SCARA3: variants seen among roughly 807,000 people sequenced by gnomAD.
SCARA3 encodes the protein scavenger receptor class A member 3.
SCARA3 carries 39 observed loss-of-function variants against 47.0 expected under a neutral mutation model. The ratio of observed to expected loss-of-function variants is 0.83; its 90% confidence interval spans 0.64 to 1.08. The LOEUF (loss-of-function observed/expected upper bound fraction) is 1.08. SCARA3 is among the 50% of genes least tolerant of loss of function. SCARA3 has a pLI of 0.00. For synonymous variants in SCARA3, 356 were observed against 334.1 expected (o/e 1.07, Z -0.71); for missense variants, 724 against 792.3 (o/e 0.91, Z 1.04).
At chr8:27,716,640 T>C in the SCARA3 span, among the ~76,000 whole-genome samples, 5 of 152,204 alleles carry the variant, frequency 3.3e-5, no homozygotes, top group Admixed American at 6.5e-5. Flanking sequence ...GTAGACAGAA[T>C]GGTAAAGTTA....
the SCARA3 span, among the ~76,000 whole-genome samples, chr8:27,725,491 CT>C: frequency 6.8e-6 from 1 of 147,430 alleles, no homozygotes; most frequent in African/African-American, 2.5e-5. Flanking sequence ...AGGAATAAAT[CT>C]AAAGTTCTAT....
chr8:27,658,527 C>A lies in SCARA3; in HGVS notation c.357C>A (p.Cys119Ter). 1 of 1,611,646 alleles carries A rather than the reference C, an allele frequency of 6.2e-7. No individual in the cohort carries two copies. Among genetic ancestry groups the A allele is most frequent in the Admixed American group, 1.7e-5 (1 of 59,658 alleles). The change falls in exon 5 of 6, where the codon TGC becomes TGA. Residue 119 changes from cysteine to a stop codon, truncating the protein, a stop_gained. Transcript: ENST00000301904. LOFTEE classifies it high-confidence loss of function. ...DPKALNNCSF[C>*]HEAGQLGPEI... ...AAGCCCTGAACAACTGCTCTTTCTG[C>A]CATGAAGCTGGGCAGCTGGGGCCAG...
chr8:27,714,273 G>A, the SCARA3 span, among the ~76,000 whole-genome samples: 246 of 137,050 alleles, frequency 1.8e-3, no homozygotes, highest in African/African-American at 6.6e-3. Flanking sequence ...TTAGCTCACT[G>A]CAACCTCCGC....
chr8:27,637,805 C>T (rs1021619056), intron 1 of SCARA3, among the ~76,000 whole-genome samples: 2 of 152,044 alleles, frequency 1.3e-5, no homozygotes, highest in Admixed American at 6.5e-5. Context: ...GCGATGCAAT[C>T]CCAGGAGGAA....
chr8:27,700,141 G>T, the SCARA3 span, among the ~76,000 whole-genome samples: 40 of 151,806 alleles, frequency 2.6e-4, no homozygotes, highest in African/African-American at 9.2e-4. Flanking sequence ...AACCATAAGA[G>T]AAAAATTTTG....
the SCARA3 span, among the ~76,000 whole-genome samples, chr8:27,698,207 A>T: frequency 6.6e-6 from 1 of 152,214 alleles, no homozygotes; most frequent in Non-Finnish European, 1.5e-5. Flanking sequence ...AGAAACTTGG[A>T]TCTGCAAGAA....
chr8:27,674,921 G>A (rs113500607), downstream of SCARA3, among the ~76,000 whole-genome samples: 11,558 of 151,942 alleles, frequency 0.076, 502 homozygotes, highest in East Asian at 0.22. Context: ...TAGAGATGGG[G>A]TTTCACCATG....
At chr8:27,718,029 G>A in the SCARA3 span, among the ~76,000 whole-genome samples, 2 of 152,176 alleles carry the variant, frequency 1.3e-5, no homozygotes, top group Admixed American at 6.5e-5. Context: ...ACTCCAGGGT[G>A]TGCTGAGCAG....
chr8:27,670,819 C>T (rs969981632), intron 5 of SCARA3, 81 bp from the exon 6 acceptor site: 29 of 1,210,570 alleles, frequency 2.4e-5, no homozygotes, highest in Middle Eastern at 2.9e-4. Flanking sequence ...GGGCTGTCGC[C>T]GTGCCCGCTC....
intron 5 of SCARA3, among the ~76,000 whole-genome samples, chr8:27,663,633 T>C (rs1055396682): frequency 6.6e-6 from 1 of 152,184 alleles, no homozygotes; most frequent in African/African-American, 2.4e-5. Flanking sequence ...CAAGGCCCAG[T>C]AGAAGGTCAA....
At position 27,668,421 on chromosome 8, in the gene SCARA3, T is replaced by C. The variant is rs191832382; in HGVS notation, c.1370-2479T>C. Among the ~76,000 whole-genome samples the C allele has an allele frequency of 9.8e-4, 148 of 150,786 alleles. 1 individual carries two copies. Among genetic ancestry groups the C allele is most frequent in the African/African-American group, 3.2e-3 (133 of 41,004 alleles). On this transcript the variant is annotated intron_variant, in intron 5 of 5. Coordinates refer to ENST00000301904, the MANE Select transcript of SCARA3 (RefSeq NM_016240.3). ...CGGGCGCGGTGGCGGGCGCCTGTAG[T>C]CCCAGCTACTCGGGAGGCTGAGGCA... is the stretch of plus-strand genomic sequence containing the variant.
intron 5 of SCARA3, among the ~76,000 whole-genome samples, chr8:27,667,586 G>T (rs1457399648): frequency 6.6e-6 from 1 of 152,182 alleles, no homozygotes; most frequent in African/African-American, 2.4e-5. Flanking sequence ...TCTTGAGCAC[G>T]TGGCCACCCG....
chr8:27,664,633 C>T (rs73231054), intron 5 of SCARA3, among the ~76,000 whole-genome samples: 15,827 of 152,076 alleles, frequency 0.1, 945 homozygotes, highest in East Asian at 0.27. Context: ...AGGGAGATGG[C>T]GCCAAAAGTG....
At chr8:27,663,459 G>A (rs557166547) in intron 5 of SCARA3, among the ~76,000 whole-genome samples, 9 of 152,300 alleles carry the variant, frequency 5.9e-5, no homozygotes, top group African/African-American at 1.7e-4. Context: ...TGCCTTCAGC[G>A]CCTGCTCAGG....
At chr8:27,724,077 T>TC in the SCARA3 span, among the ~76,000 whole-genome samples, 1 of 152,148 alleles carries the variant, frequency 6.6e-6, no homozygotes, top group Admixed American at 6.5e-5. Flanking sequence ...AACAGTGAAT[T>TC]CCCACAACTC....
the SCARA3 span, among the ~76,000 whole-genome samples, chr8:27,715,575 C>T: frequency 1.8e-4 from 16 of 89,912 alleles, no homozygotes; most frequent in Non-Finnish European, 2.7e-4. This position sits in a 1 kb window ranked among gnomAD's most constrained non-coding sequence, Gnocchi z 4.2. Flanking sequence ...CTTCCCACTT[C>T]GCACCTAGAT....
the SCARA3 span, among the ~76,000 whole-genome samples, chr8:27,710,800 G>A: frequency 3.3e-5 from 5 of 152,004 alleles, no homozygotes; most frequent in African/African-American, 4.8e-5. Context: ...TCACATTCTG[G>A]GTTGTGCGGA....
the SCARA3 span, among the ~76,000 whole-genome samples, chr8:27,692,343 C>G: frequency 6.6e-6 from 1 of 151,522 alleles, no homozygotes; most frequent in Non-Finnish European, 1.5e-5. Flanking sequence ...TCACTTGAAC[C>G]TGGGAGGTGA....
chr8:27,722,156 G>C, the SCARA3 span, among the ~76,000 whole-genome samples: 1 of 152,170 alleles, frequency 6.6e-6, no homozygotes. Context: ...CATGACATTT[G>C]TAGACATTAA....
Sources: gnomAD v4.1 joint callset for allele counts (sites outside exome capture counted in the v4.1 genomes callset) on GRCh38, gnomAD v4.1.1 for gene constraint, Gnocchi (gnomAD v3.1) non-coding constraint, MANE v1.5 for transcripts, NCBI Gene and HGNC (gene_info 2026-07-23, HGNC 2026-07-21) for gene names.